STK38: variants seen among roughly 807,000 people sequenced by gnomAD.
The protein encoded by STK38 is serine/threonine-protein kinase 38.
In STK38, 26 loss-of-function variants were observed where a neutral mutation model predicts 59.0. The observed-to-expected ratio is 0.44, with a 90% CI of 0.32 to 0.61. The LOEUF is 0.61. STK38 is among the 20% of genes least tolerant of loss of function. The pLI is 0.04. For missense variants in STK38, 433 were observed against 566.0 expected (o/e 0.76, Z 2.38); for synonymous variants, 175 against 176.6 (o/e 0.99, Z 0.07).
intron 4 of STK38, among the ~76,000 whole-genome samples, chr6:36,523,984 T>A (rs1327974915): frequency 1.3e-5 from 2 of 152,192 alleles, no homozygotes; most frequent in African/African-American, 4.8e-5. Flanking sequence ...CAAGAGACAT[T>A]ATATATACCT....
chr6:36,521,226 A>G (rs1306210341), intron 5 of STK38, among the ~76,000 whole-genome samples: 1 of 152,194 alleles, frequency 6.6e-6, no homozygotes, highest in African/African-American at 2.4e-5. Flanking sequence ...AAATTCATTC[A>G]GAAATTAGAA....
chr6:36,509,626 G>A (rs1012290909), intron 7 of STK38, among the ~76,000 whole-genome samples: 1 of 151,504 alleles, frequency 6.6e-6, no homozygotes, highest in Non-Finnish European at 1.5e-5. Context: ...GGGTGGGGGG[G>A]TGATGACCAT....
At chr6:36,529,546 CTTTCACACTTAGAGGCCA>C (rs1434857700) in intron 2 of STK38, among the ~76,000 whole-genome samples, 1 of 152,188 alleles carries the variant, frequency 6.6e-6, no homozygotes, top group Non-Finnish European at 1.5e-5. Context: ...GACGAAGCCA[CTTTCACACTTAGAGGCCA>C]TATCCAGCCT....
intron 8 of STK38, 77 bp downstream of exon 8, chr6:36,507,419 CTGTT>C: frequency 9.0e-7 from 1 of 1,111,146 alleles, no homozygotes; most frequent in East Asian, 2.4e-5. Context: ...AATCTCCTAT[CTGTT>C]CTAATTTGGT....
intron 2 of STK38, among the ~76,000 whole-genome samples, chr6:36,536,215 A>T (rs1777786776): frequency 6.6e-6 from 1 of 152,216 alleles, no homozygotes; most frequent in African/African-American, 2.4e-5. Flanking sequence ...AAATGTTGCT[A>T]AAATAACTGA....
intron 2 of STK38, among the ~76,000 whole-genome samples, chr6:36,532,134 C>T (rs186901880): frequency 6.6e-6 from 1 of 152,092 alleles, no homozygotes; most frequent in East Asian, 1.9e-4. Flanking sequence ...ATGTGTCCCT[C>T]CAGAACATCA....
chr6:36,538,646 G>A (rs1210401918), intron 2 of STK38, among the ~76,000 whole-genome samples: 1 of 152,098 alleles, frequency 6.6e-6, no homozygotes, highest in Admixed American at 6.6e-5. Context: ...AGTGGCTCAC[G>A]CCTATAACCC....
Position 36,517,709 on chromosome 6 carries a change from G to C in STK38, c.514+8C>G. On this transcript the variant is annotated splice_region_variant and intron_variant, in intron 6 of 13. Coordinates refer to ENST00000229812, the MANE Select transcript of STK38 (RefSeq NM_007271.4). ...AGAAAAAATGACCTTTCATCGTCAA[G>C]TAATTACCTCCAGGCAGGAACTCCA... The C allele has an allele frequency of 2.5e-6, 4 of 1,611,860 alleles. No homozygotes were observed. The highest frequency in any genetic ancestry group is 3.4e-6 in the Non-Finnish European group (4 of 1,178,904).
chr6:36,515,316 C>A, intron 7 of STK38, 22 bp downstream of exon 7: 1 of 1,612,004 alleles, frequency 6.2e-7, no homozygotes, highest in Non-Finnish European at 8.5e-7. Context: ...GTGCATAGTT[C>A]ATGCCAATGC....
At chr6:36,537,989 T>C (rs767080624) in intron 2 of STK38, among the ~76,000 whole-genome samples, 6 of 151,732 alleles carry the variant, frequency 4.0e-5, no homozygotes, top group South Asian at 4.1e-4. Flanking sequence ...TTGTATGAAA[T>C]AGGCAAAACT....
intron 2 of STK38, among the ~76,000 whole-genome samples, chr6:36,531,916 G>A (rs935188461): frequency 6.6e-6 from 1 of 152,072 alleles, no homozygotes; most frequent in African/African-American, 2.4e-5. Flanking sequence ...ATGGAACAGG[G>A]AAAGAGTTGC....
At chr6:36,507,356 T>C in intron 8 of STK38, 144 bp downstream of exon 8, 3 of 717,478 alleles carry the variant, frequency 4.2e-6, no homozygotes, top group Non-Finnish European at 7.1e-6. Context: ...ACAACACAAA[T>C]CACAGGCAAA....
chr6:36,524,193 C>G, intron 4 of STK38, 148 bp downstream of exon 4: 1 of 899,110 alleles, frequency 1.1e-6, no homozygotes, highest in Non-Finnish European at 1.6e-6. Flanking sequence ...AGAAAGCAGA[C>G]AGACAAAGCA....
chr6:36,522,683 C>A (rs1241767909), intron 4 of STK38, among the ~76,000 whole-genome samples: 3 of 151,732 alleles, frequency 2.0e-5, no homozygotes, highest in African/African-American at 7.3e-5. Flanking sequence ...CCTGGTGAAA[C>A]CCCGTCTACT....
At chr6:36,506,684 C>G (rs1412011308) in intron 8 of STK38, 40 bp from the exon 9 acceptor site, 2 of 1,588,210 alleles carry the variant, frequency 1.3e-6, no homozygotes, top group East Asian at 2.2e-5. Context: ...AAGTTCAGAC[C>G]AAAATGTTTA....
intron 2 of STK38, among the ~76,000 whole-genome samples, chr6:36,528,150 T>G (rs553550449): frequency 1.3e-5 from 2 of 151,100 alleles, no homozygotes; most frequent in African/African-American, 4.9e-5. Context: ...AGAAATAGCA[T>G]GTAGTCCATT....
intron 4 of STK38, 34 bp from the exon 5 acceptor site, chr6:36,521,851 A>T (rs755384774): frequency 6.4e-7 from 1 of 1,551,764 alleles, no homozygotes; most frequent in Non-Finnish European, 8.8e-7. Context: ...CAAGTCAAAA[A>T]CTCGTACTAC....
intron 2 of STK38, among the ~76,000 whole-genome samples, chr6:36,527,207 A>AAAAATATAT (rs60162863): frequency 1.3e-4 from 16 of 119,348 alleles, no homozygotes; most frequent in South Asian, 4.9e-4. Flanking sequence ...AAAAAAAAAA[A>AAAAATATAT]ATATATGTAT....
intron 2 of STK38, among the ~76,000 whole-genome samples, chr6:36,536,224 G>T (rs1777787038): frequency 6.6e-6 from 1 of 152,134 alleles, no homozygotes; most frequent in African/African-American, 2.4e-5. Flanking sequence ...TAAAATAACT[G>T]ATATCCAAAA....
Sources: allele counts gnomAD v4.1 joint callset (sites outside exome capture counted in the v4.1 genomes callset), GRCh38; gene constraint gnomAD v4.1.1; transcripts MANE v1.5; gene names NCBI Gene and HGNC (gene_info 2026-07-23, HGNC 2026-07-21).